Variants in CAPN13 observed in about 807,000 individuals in gnomAD.
CAPN13 encodes the protein calpain-13.
In CAPN13, 90 loss-of-function variants were observed where a neutral mutation model predicts 98.4. That is an observed-to-expected ratio of 0.92 (90% CI 0.77 to 1.09). The LOEUF (loss-of-function observed/expected upper bound fraction) is 1.09. Among genes scored for constraint, CAPN13 ranks in the 50% least tolerant of loss-of-function variants. The pLI is 0.00. For missense variants in CAPN13, 887 were observed against 841.3 expected, an observed-to-expected ratio of 1.05 and a Z score of -0.67; for synonymous variants, 330 against 305.5, an observed-to-expected ratio of 1.08 and a Z score of -0.84.
intron 2 of CAPN13, among the ~76,000 whole-genome samples, chr2:30,779,127 G>A (rs187571312): frequency 2.0e-5 from 3 of 152,284 alleles, no homozygotes; most frequent in Non-Finnish European, 4.4e-5. Flanking sequence ...TTCAGACCAG[G>A]AACAAAAATG....
chr2:30,736,763 A>G lies in CAPN13; in HGVS notation c.1654-192T>C. ...CTGGCTTAGATTTGTTTTACAAAGA[A>G]AAATGGGCAATTGGAAGAAGGAAGC... is the stretch of plus-strand genomic sequence containing the variant. On this transcript the variant is annotated intron_variant, in intron 17 of 22. Coordinates refer to ENST00000295055, the MANE Select transcript of CAPN13 (RefSeq NM_144575.3). 8.5e-6 allele frequency: 5 copies of G among 591,638 alleles called. No homozygotes were observed. The South Asian group carries it at 1.0e-4, about 12-fold the overall frequency. The allele number at this position is 591,638 out of a possible 1,614,324, so 36.6% of individuals were successfully genotyped here.
chr2:30,748,457 C>T (rs964710399), intron 11 of CAPN13, among the ~76,000 whole-genome samples: 1 of 152,190 alleles, frequency 6.6e-6, no homozygotes, highest in East Asian at 1.9e-4. Flanking sequence ...AGGGGCCAGA[C>T]AAGATGGCTA....
In CAPN13 at chr2:30,764,254, C is replaced by T. The variant is rs1208431255; in HGVS notation, c.577G>A (p.Val193Met). The T allele has an allele frequency of 3.1e-6, 5 of 1,613,718 alleles. No individual in the cohort carries two copies. The highest frequency in any genetic ancestry group is 4.2e-6 in the Non-Finnish European group (5 of 1,179,812). ...LHYGFLEDAL[V>M]DLTGGVITNI... The stretch of plus-strand genomic sequence containing the variant: ...GTGATCACGCCTCCTGTGAGGTCCA[C>T]CAGGGCATCCTCGAGGAAGCCATAG... Residue 193 changes from valine to methionine, a missense_variant, in exon 6 of 23, where the codon GTG (valine) becomes ATG (methionine). Val to Met is a conservative substitution (Grantham distance 21, BLOSUM62 1). Transcript: ENST00000295055.
chr2:30,789,678 T>C (rs959084337), intron 1 of CAPN13, among the ~76,000 whole-genome samples: 2 of 152,226 alleles, frequency 1.3e-5, no homozygotes, highest in African/African-American at 4.8e-5. Flanking sequence ...TATAGGGTTG[T>C]TGTGAGACTC....
intron 1 of CAPN13, among the ~76,000 whole-genome samples, chr2:30,798,002 C>T (rs992688123): frequency 2.0e-5 from 3 of 152,324 alleles, no homozygotes; most frequent in South Asian, 2.1e-4. Context: ...AAAGGAAGAA[C>T]ATGTGATCTG....
chr2:30,764,280 T>G lies in CAPN13; in HGVS notation c.551A>C (p.His184Pro). 1 of 1,613,872 alleles carries G rather than the reference T, an allele frequency of 6.2e-7. No individual in the cohort carries two copies. Among genetic ancestry groups the G allele is most frequent in the Non-Finnish European group, 8.5e-7 (1 of 1,179,850 alleles). ...CAGGGCATCCTCGAGGAAGCCATAG[T>G]GCAGATCGGAATAGGATCCGAGCAG... is the stretch of plus-strand genomic sequence containing the variant. ...AKLLGSYSDL[H>P]YGFLEDALVD... The change falls in exon 6 of 23, where the codon CAC becomes CCC. Residue 184 changes from histidine (H) to proline (P), a missense_variant. Physicochemically the swap from His to Pro is moderately conservative, Grantham distance 77. Transcript: ENST00000295055.
At chr2:30,805,707 A>G (rs186335971) in intron 1 of CAPN13, among the ~76,000 whole-genome samples, 22 of 147,606 alleles carry the variant, frequency 1.5e-4, no homozygotes, top group African/African-American at 4.5e-4. Context: ...ATCAAGCACA[A>G]TGCTTGATAC....
intron 1 of CAPN13, among the ~76,000 whole-genome samples, chr2:30,789,618 A>G (rs1370000198): frequency 1.3e-5 from 2 of 152,198 alleles, no homozygotes; most frequent in Middle Eastern, 3.2e-3. Context: ...CCATTCTAAG[A>G]TTCACTTGCC....
intron 1 of CAPN13, among the ~76,000 whole-genome samples, chr2:30,800,120 G>GA (rs1245756016): frequency 1.4e-5 from 1 of 70,848 alleles, no homozygotes; most frequent in East Asian, 3.5e-4. Flanking sequence ...AGAAAGAAAA[G>GA]AAAGAAAGAA....
chr2:30,738,409 G>A lies in CAPN13; in HGVS notation c.1585C>T (p.Leu529Phe), dbSNP rs1396239729. ...CTTGGGCTGCTCATACCTGTTAGAAGCTCCTGGTTGAGAAGGCCCTGAAGC... is the reference window on the plus strand; with the variant it reads ...CTTGGGCTGCTCATACCTGTTAGAAACTCCTGGTTGAGAAGGCCCTGAAGC... ...TQLQGLLNQE[L>F]LTGPPGDMFS... The change falls in exon 16 of 23, where the codon CTT (leucine) becomes TTT (phenylalanine). Residue 529 changes from leucine to phenylalanine, a missense_variant. Physicochemically the swap from Leu to Phe is conservative, Grantham distance 22 (BLOSUM62 0). Transcript: ENST00000295055. 1.9e-6 allele frequency: 3 copies of A among 1,608,640 alleles called. No homozygotes were observed. Among genetic ancestry groups the A allele is most frequent in the Non-Finnish European group, 2.5e-6 (3 of 1,177,334 alleles).
intron 1 of CAPN13, among the ~76,000 whole-genome samples, chr2:30,800,168 G>GAAAA (rs1238713346): frequency 6.6e-6 from 1 of 151,188 alleles, no homozygotes; most frequent in Non-Finnish European, 1.5e-5. Flanking sequence ...AAGAAAGAAA[G>GAAAA]AAAGAAAGAA....
chr2:30,748,402 T>C (rs1430011917), intron 11 of CAPN13, among the ~76,000 whole-genome samples: 1 of 152,160 alleles, frequency 6.6e-6, no homozygotes. Flanking sequence ...GAAGGACAGC[T>C]CACAACGTCG....
At position 30,787,263 on chromosome 2, in the gene CAPN13, A is replaced by G. The variant is rs752839359; in HGVS notation, c.63T>C (p.Phe21=). 6.8e-6 allele frequency: 11 copies of G among 1,613,412 alleles called. No individual in the cohort carries two copies. In the East Asian group the frequency reaches 1.6e-4, roughly 23 times the overall value. Reference sequence around the variant, plus strand: ...TCAGGCAGTGATCCCGCAAGGTGGTAAAGTCCTGGTCTTTGAACTTGATGA... The same window carrying G: ...TCAGGCAGTGATCCCGCAAGGTGGTGAAGTCCTGGTCTTTGAACTTGATGA... ...TSIIKFKDQD[F]TTLRDHCLSM... is the part of the protein sequence containing the mutation. The change falls in exon 2 of 23, where the codon TTT becomes TTC. Residue 21 remains phenylalanine, a synonymous_variant. Transcript: ENST00000295055.
chr2:30,745,104 C>T, intron 12 of CAPN13: 1 of 434,460 alleles, frequency 2.3e-6, no homozygotes, highest in South Asian at 1.7e-5. Context: ...CTGTGGTCCC[C>T]AGGCAGATGC....
chr2:30,778,635 C>T (rs1345772613), intron 2 of CAPN13, among the ~76,000 whole-genome samples: 2 of 152,228 alleles, frequency 1.3e-5, no homozygotes, highest in African/African-American at 2.4e-5. Context: ...CTTGTAGAAC[C>T]TGCCAGCTCT....
chr2:30,745,816 T>G, intron 11 of CAPN13, 82 bp from the exon 12 acceptor site: 2 of 1,213,176 alleles, frequency 1.6e-6, no homozygotes, highest in Admixed American at 4.1e-5. Context: ...CTTGGCTCAT[T>G]GGTTTCATCC....
intron 11 of CAPN13, among the ~76,000 whole-genome samples, chr2:30,748,582 A>C (rs1220850193): frequency 6.6e-6 from 1 of 152,000 alleles, no homozygotes; most frequent in Non-Finnish European, 1.5e-5. Flanking sequence ...TGAAGGGAGC[A>C]TCTAATTGGG....
intron 8 of CAPN13, among the ~76,000 whole-genome samples, chr2:30,756,252 C>T (rs1247003761): frequency 6.6e-6 from 1 of 152,190 alleles, no homozygotes; most frequent in Non-Finnish European, 1.5e-5. Context: ...TCCCAGTTTC[C>T]TCTGCCTCAG....
intron 1 of CAPN13, among the ~76,000 whole-genome samples, chr2:30,802,545 G>A (rs201226598): frequency 8.0e-5 from 8 of 99,726 alleles, no homozygotes; most frequent in Non-Finnish European, 1.3e-4. Context: ...GGCAGGCTGG[G>A]GGGGGGGGGT....
Sources: allele counts gnomAD v4.1 joint callset (sites outside exome capture counted in the v4.1 genomes callset), GRCh38; gene constraint gnomAD v4.1.1; transcripts MANE v1.5; gene names NCBI Gene and HGNC (gene_info 2026-07-23, HGNC 2026-07-21).